The following CCDC178 variants were observed in gnomAD, a reference collection of about 807,000 sequenced individuals.
CCDC178 encodes the protein coiled-coil domain-containing protein 178.
A neutral mutation model predicts 117.4 loss-of-function variants in CCDC178; 126 were observed. The observed-to-expected ratio is 1.07, with a 90% confidence interval of 0.93 to 1.24. CCDC178 has a LOEUF of 1.24. CCDC178 is among the 50% of genes most tolerant of loss of function. The pLI is 0.00. For synonymous variants in CCDC178, 283 were observed against 313.4 expected (o/e 0.90, Z 1.02); for missense variants, 1,030 against 986.9 (o/e 1.04, Z -0.59).
chr18:33,065,744 T>G (rs1598845482), intron 21 of CCDC178, among the ~76,000 whole-genome samples: 1 of 152,116 alleles, frequency 6.6e-6, no homozygotes, highest in Non-Finnish European at 1.5e-5. Context: ...CAGCAAATTT[T>G]GTAGCAGATA....
chr18:33,335,230 C>A (rs2062723786), intron 9 of CCDC178, among the ~76,000 whole-genome samples: 1 of 151,998 alleles, frequency 6.6e-6, no homozygotes. Flanking sequence ...AATTAAGTCC[C>A]TCTTTTTGAT....
intron 20 of CCDC178, among the ~76,000 whole-genome samples, chr18:33,137,855 G>A (rs898024365): frequency 6.6e-6 from 1 of 152,178 alleles, no homozygotes; most frequent in Non-Finnish European, 1.5e-5. Context: ...CCAGAGCATA[G>A]GTCCCCTGTA....
chr18:32,952,415 C>T (rs984258946), intron 22 of CCDC178, among the ~76,000 whole-genome samples: 8 of 152,326 alleles, frequency 5.3e-5, no homozygotes, highest in Non-Finnish European at 1.0e-4. Flanking sequence ...GCCACCAAGG[C>T]TTTGGGTCTG....
intron 4 of CCDC178, among the ~76,000 whole-genome samples, chr18:33,393,196 T>A (rs1028688689): frequency 5.9e-5 from 9 of 152,048 alleles, no homozygotes; most frequent in Middle Eastern, 3.4e-3. Flanking sequence ...ATATTTCATA[T>A]GTATGCCTTA....
chr18:33,066,278 A>G (rs2057015109), intron 21 of CCDC178, among the ~76,000 whole-genome samples: 1 of 152,180 alleles, frequency 6.6e-6, no homozygotes, highest in African/African-American at 2.4e-5. Context: ...ATCTGAAAGT[A>G]AAAGGATGAT....
chr18:33,194,544 C>T (rs548864710), intron 20 of CCDC178, among the ~76,000 whole-genome samples: 21 of 152,194 alleles, frequency 1.4e-4, no homozygotes, highest in East Asian at 7.7e-4. Context: ...ACACCACACT[C>T]GCTTTTTCCC....
At chr18:33,178,589 G>A (rs895563761) in intron 20 of CCDC178, among the ~76,000 whole-genome samples, 3 of 151,998 alleles carry the variant, frequency 2.0e-5, no homozygotes, top group African/African-American at 7.2e-5. Flanking sequence ...AGTTTCCAGT[G>A]CCATTTGCAG....
rs79058710 is a variant in CCDC178 at position 32,995,201 on chromosome 18, A to T, written c.2389-20520T>A. Reference sequence around the variant, plus strand: ...CAATGGGAGGAGGAACTTATGGCACATAATTAAAACAACTCTGCAAGTAAG... The same window carrying T: ...CAATGGGAGGAGGAACTTATGGCACTTAATTAAAACAACTCTGCAAGTAAG... On this transcript the variant is annotated intron_variant, in intron 21 of 22. Coordinates refer to ENST00000383096, the MANE Select transcript of CCDC178 (RefSeq NM_001105528.4). 9.2e-3 allele frequency among the ~76,000 whole-genome samples: 1,405 copies of T among 152,292 alleles called. 22 individuals are homozygous for T. The highest frequency in any genetic ancestry group is 0.032 in the African/African-American group (1,349 of 41,556).
chr18:33,124,890 G>A (rs1004525070), intron 20 of CCDC178, among the ~76,000 whole-genome samples: 1 of 152,170 alleles, frequency 6.6e-6, no homozygotes, highest in East Asian at 1.9e-4. Flanking sequence ...AAGGATACCT[G>A]TAAGCATGTG....
At chr18:33,326,192 G>C (rs2062582066) in intron 10 of CCDC178, among the ~76,000 whole-genome samples, 1 of 152,224 alleles carries the variant, frequency 6.6e-6, no homozygotes. Flanking sequence ...GTGGCAACCA[G>C]TGGGTGTGGG....
At chr18:33,116,388 T>TA (rs534313386) in intron 20 of CCDC178, among the ~76,000 whole-genome samples, 4 of 152,320 alleles carry the variant, frequency 2.6e-5, no homozygotes, top group Middle Eastern at 3.4e-3. Context: ...GGAGTGGCTT[T>TA]GTATTAGTCT....
At chr18:33,040,317 AAAAT>A (rs1426528144) in intron 21 of CCDC178, among the ~76,000 whole-genome samples, 15 of 151,964 alleles carry the variant, frequency 9.9e-5, no homozygotes, top group Non-Finnish European at 1.8e-4. Context: ...AGGAGAGTCT[AAAAT>A]AAAGAGGCAA....
chr18:33,251,707 A>G (rs1376334485), intron 14 of CCDC178, among the ~76,000 whole-genome samples: 1 of 151,770 alleles, frequency 6.6e-6, no homozygotes, highest in Non-Finnish European at 1.5e-5. Flanking sequence ...AGTGGTATTC[A>G]AGTAACTGTG....
intron 2 of CCDC178, among the ~76,000 whole-genome samples, chr18:33,417,942 G>A (rs1004066472): frequency 2.0e-5 from 3 of 152,126 alleles, no homozygotes; most frequent in African/African-American, 7.2e-5. Flanking sequence ...CATTCCTACT[G>A]AAATTATTCC....
At chr18:32,990,613 T>C (rs1326659446) in intron 21 of CCDC178, among the ~76,000 whole-genome samples, 2 of 152,076 alleles carry the variant, frequency 1.3e-5, no homozygotes, top group Non-Finnish European at 1.5e-5. Context: ...AAAGTTCAAG[T>C]CAAATTTTTA....
chr18:33,317,405 C>T (rs374158363), intron 11 of CCDC178, among the ~76,000 whole-genome samples: 1 of 152,190 alleles, frequency 6.6e-6, no homozygotes, highest in Admixed American at 6.5e-5. Context: ...TCAGAAGGAA[C>T]AAACTCTGGA....
At chr18:33,274,408 A>G (rs1312893265) in intron 12 of CCDC178, among the ~76,000 whole-genome samples, 2 of 151,992 alleles carry the variant, frequency 1.3e-5, no homozygotes, top group Non-Finnish European at 2.9e-5. Context: ...TCCTAGATAT[A>G]TAACCAAGGA....
intron 6 of CCDC178, among the ~76,000 whole-genome samples, chr18:33,360,691 T>C (rs1326081865): frequency 6.6e-6 from 1 of 151,618 alleles, no homozygotes; most frequent in Admixed American, 6.6e-5. Context: ...CAAAAACTAG[T>C]AGCATTTTTA....
At chr18:33,074,200 T>A (rs886395101) in intron 21 of CCDC178, among the ~76,000 whole-genome samples, 1 of 151,860 alleles carries the variant, frequency 6.6e-6, no homozygotes, top group East Asian at 1.9e-4. Flanking sequence ...ATATATATAA[T>A]GTAATATATA....
Sources: allele counts gnomAD v4.1 joint callset (sites outside exome capture counted in the v4.1 genomes callset), GRCh38; gene constraint gnomAD v4.1.1; transcripts MANE v1.5; gene names NCBI Gene and HGNC (gene_info 2026-07-23, HGNC 2026-07-21).